FAM13C: variants seen among roughly 807,000 people sequenced by gnomAD.
FAM13C encodes the protein family with sequence similarity 13 member C.
A neutral mutation model predicts 73.2 loss-of-function variants in FAM13C; 37 were observed. The observed-to-expected ratio is 0.51, with a 90% CI of 0.39 to 0.67. The LOEUF is 0.67. Among genes scored for constraint, FAM13C ranks in the 30% least tolerant of loss-of-function variants. The pLI is 0.00. For missense variants in FAM13C, 589 were observed against 715.6 expected, an observed-to-expected ratio of 0.82 and a Z score of 2.02; for synonymous variants, 246 against 260.9, an observed-to-expected ratio of 0.94 and a Z score of 0.55.
intron 3 of FAM13C, among the ~76,000 whole-genome samples, chr10:59,335,452 A>G (rs527837507): frequency 7.4e-4 from 113 of 152,286 alleles, no homozygotes; most frequent in African/African-American, 2.5e-3. Flanking sequence ...AGAACATTGA[A>G]CCCAAAGGCA....
At chr10:59,362,262 C>T in intron 1 of FAM13C, 137 bp downstream of exon 1, 1 of 1,227,080 alleles carries the variant, frequency 8.1e-7, no homozygotes, top group Non-Finnish European at 1.1e-6. Context: ...GCACGTCTCA[C>T]GGTCTTCACA....
chr10:59,314,143 T>C (rs1277634698), intron 4 of FAM13C, among the ~76,000 whole-genome samples: 1 of 152,024 alleles, frequency 6.6e-6, no homozygotes, highest in African/African-American at 2.4e-5. Flanking sequence ...GAGATGAGAT[T>C]AAAATTTAGA....
intron 6 of FAM13C, among the ~76,000 whole-genome samples, chr10:59,283,047 T>C (rs1845116934): frequency 6.6e-6 from 1 of 152,166 alleles, no homozygotes; most frequent in Non-Finnish European, 1.5e-5. Context: ...AAAATAAGCA[T>C]AGCACTCATT....
At chr10:59,307,407 A>T (rs1848380546) in intron 4 of FAM13C, among the ~76,000 whole-genome samples, 1 of 152,224 alleles carries the variant, frequency 6.6e-6, no homozygotes, top group African/African-American at 2.4e-5. Context: ...GAATGACTTC[A>T]ATTCACCAGC....
chr10:59,276,178 T>C (rs897548261), intron 6 of FAM13C, among the ~76,000 whole-genome samples: 2 of 152,224 alleles, frequency 1.3e-5, no homozygotes, highest in African/African-American at 4.8e-5. Context: ...CTGTTATAAA[T>C]ACCTTTTGCT....
rs149134376 is a variant in FAM13C, at chr10:59,343,964, T to C, written c.324+8306A>G. Among the ~76,000 whole-genome samples, 462 of 147,176 alleles carry C rather than the reference T, an allele frequency of 3.1e-3. 13 individuals are homozygous for C. Among genetic ancestry groups the C allele is most frequent in the Admixed American group, 0.027 (408 of 14,922 alleles). ...TAAACTATTTCTTTTTTTTTTTCTT[T>C]TTTCTTTTTTTTTTTGAGATGGAGT... On this transcript the variant is annotated intron_variant, in intron 3 of 13. Coordinates refer to ENST00000618804, the MANE Select transcript of FAM13C (RefSeq NM_198215.4).
In FAM13C at chr10:59,268,424, C is replaced by A. The variant is rs931590453; in HGVS notation, c.942+129G>T. 36 of 1,136,668 alleles carry A rather than the reference C, an allele frequency of 3.2e-5. No individual in the cohort carries two copies. The Admixed American group carries it at 6.8e-4, about 21-fold the overall frequency. The allele number at this position is 1,136,668 out of a possible 1,614,324, so 70.4% of individuals were successfully genotyped here. A position where few individuals can be genotyped will look rare whatever the true frequency, so the allele number is the denominator to read the frequency against. On this transcript the variant is annotated intron_variant, in intron 8 of 13. Coordinates refer to ENST00000618804, the MANE Select transcript of FAM13C (RefSeq NM_198215.4). ...AGAAGATGAAGACTCTATGATAGGT[C>A]CAGGTTGGCCCATGGGAACAGAGCT...
At chr10:59,302,717 T>A in intron 5 of FAM13C, 84 bp downstream of exon 5, 8 of 1,283,388 alleles carry the variant, frequency 6.2e-6, no homozygotes, top group Non-Finnish European at 8.9e-6. Flanking sequence ...TTCATGAGAA[T>A]GAATTCCTAG....
chr10:59,341,179 C>T (rs1214790372), intron 3 of FAM13C, among the ~76,000 whole-genome samples: 3 of 152,136 alleles, frequency 2.0e-5, no homozygotes, highest in Non-Finnish European at 4.4e-5. Context: ...ACCCCTACCA[C>T]GCTGGCAAAT....
intron 3 of FAM13C, among the ~76,000 whole-genome samples, chr10:59,344,288 T>G (rs1283049068): frequency 6.8e-6 from 1 of 147,230 alleles, no homozygotes; most frequent in Non-Finnish European, 1.5e-5. Context: ...TTTTTTCTTT[T>G]TTTTTTTTGA....
upstream of FAM13C, chr10:59,362,638 G>A (rs1453594923): frequency 7.2e-6 from 10 of 1,391,640 alleles, no homozygotes; most frequent in East Asian, 2.6e-5. Context: ...CGGCACGGGC[G>A]AACCACAAAG....
intron 3 of FAM13C, among the ~76,000 whole-genome samples, chr10:59,346,792 C>T (rs1854346607): frequency 1.3e-5 from 2 of 152,202 alleles, no homozygotes; most frequent in South Asian, 4.1e-4. Flanking sequence ...AATACAGGAT[C>T]ATTGTTAATT....
intron 8 of FAM13C, 135 bp from the exon 9 acceptor site, chr10:59,264,301 G>T: frequency 1.6e-6 from 1 of 631,178 alleles, no homozygotes. Flanking sequence ...TATAAAGCTG[G>T]GAGAGAAATT....
chr10:59,303,295 G>A (rs1847816206), intron 4 of FAM13C, among the ~76,000 whole-genome samples: 1 of 152,086 alleles, frequency 6.6e-6, no homozygotes, highest in Non-Finnish European at 1.5e-5. Context: ...GACAAGACAT[G>A]CCCTCACCCT....
At position 59,305,202 on chromosome 10, in the gene FAM13C, A is replaced by T. The variant is rs193080426; in HGVS notation, c.444-2338T>A. 4.7e-3 allele frequency among the ~76,000 whole-genome samples: 722 copies of T among 152,342 alleles called. 6 individuals are homozygous for T. The highest frequency in any genetic ancestry group is 0.017 in the African/African-American group (688 of 41,578). The stretch of plus-strand genomic sequence containing the variant: ...ACAGAAGAAAATGAATTTAAAGCAT[A>T]TCTACTCAAAGTCATTTTCTGTAGC... On this transcript the variant is annotated intron_variant, in intron 4 of 13. Coordinates refer to ENST00000618804, the MANE Select transcript of FAM13C (RefSeq NM_198215.4).
intron 3 of FAM13C, among the ~76,000 whole-genome samples, chr10:59,343,284 A>T (rs1352120625): frequency 2.6e-5 from 4 of 152,226 alleles, no homozygotes; most frequent in Admixed American, 1.3e-4. Flanking sequence ...TTCCTGTTCA[A>T]AACAATAATA....
At chr10:59,293,588 T>A (rs519976) in intron 5 of FAM13C, among the ~76,000 whole-genome samples, 86,644 of 152,096 alleles carry the variant, frequency 0.57, 26,055 homozygotes, top group Admixed American at 0.66. Context: ...ACACTTAGGT[T>A]GTCAAATACT....
At chr10:59,318,472 T>C (rs892748542) in intron 4 of FAM13C, among the ~76,000 whole-genome samples, 1 of 151,914 alleles carries the variant, frequency 6.6e-6, no homozygotes, top group African/African-American at 2.4e-5. Flanking sequence ...ATATCTAGAG[T>C]GTTGAGCATT....
chr10:59,268,516 A>T lies in FAM13C; in HGVS notation c.942+37T>A, dbSNP rs745977701. 6 of 1,610,062 alleles carry T rather than the reference A, an allele frequency of 3.7e-6. No homozygotes were observed. In the Admixed American group the frequency reaches 5.0e-5, roughly 13 times the overall value. ...GCTGAGGAGAATCCAGACACCTCTG[A>T]CCAATCCGCTCCTATGTCAAACCCC... On this transcript the variant is annotated intron_variant, in intron 8 of 13. Transcript: ENST00000618804.
Sources: gnomAD v4.1 joint callset for allele counts (sites outside exome capture counted in the v4.1 genomes callset) on GRCh38, gnomAD v4.1.1 for gene constraint, MANE v1.5 for transcripts, NCBI Gene and HGNC (gene_info 2026-07-23, HGNC 2026-07-21) for gene names.